Variants in PTPRT observed in about 807,000 individuals in gnomAD.
PTPRT encodes receptor-type tyrosine-protein phosphatase T.
A neutral mutation model predicts 176.8 loss-of-function variants in PTPRT; 56 were observed. The ratio of observed to expected loss-of-function variants is 0.32; its 90% CI spans 0.26 to 0.40. The LOEUF (loss-of-function observed/expected upper bound fraction) is 0.40, where lower values mean the gene tolerates loss of function less well. Ranked by LOEUF, PTPRT falls within the 10% of genes least tolerant of loss-of-function variation. The pLI, the probability that PTPRT is intolerant of heterozygous loss-of-function variation, is 1.00. For missense variants in PTPRT, 1,540 were observed against 1,908.2 expected (o/e 0.81, Z 3.60); for synonymous variants, 783 against 739.0 (o/e 1.06, Z -0.96).
At chr20:42,535,160 T>C (rs1242045374) in intron 7 of PTPRT, among the ~76,000 whole-genome samples, 1 of 152,072 alleles carries the variant, frequency 6.6e-6, no homozygotes, top group Non-Finnish European at 1.5e-5. Context: ...AAAAATGAGA[T>C]CATGTCCTTT....
In PTPRT at chr20:42,677,995, A is replaced by G. The variant is rs772935513; in HGVS notation, c.1024T>C (p.Ser342Pro). The change falls in exon 7 of 31, where the codon TCT becomes CCT. Residue 342 changes from serine to proline, a missense_variant. Transcript: ENST00000373187. ...GTWAETHIVD[S>P]PNYKLWHLDP... is the part of the protein sequence containing the mutation. ...AGATGCCACAGCTTATAGTTGGGAGAGTCGACTATGTGGGTCTCTGCCCAC... is the reference window on the plus strand; with the variant it reads ...AGATGCCACAGCTTATAGTTGGGAGGGTCGACTATGTGGGTCTCTGCCCAC... 1 of 1,614,006 alleles carries G rather than the reference A, an allele frequency of 6.2e-7. No homozygotes were observed. The highest frequency in any genetic ancestry group is 2.2e-5 in the East Asian group (1 of 44,858).
chr20:42,936,888 G>A (rs975513321), intron 1 of PTPRT, among the ~76,000 whole-genome samples: 1 of 152,212 alleles, frequency 6.6e-6, no homozygotes, highest in Non-Finnish European at 1.5e-5. Flanking sequence ...CAAGAGTTCA[G>A]TTTTGGAAGT....
At chr20:42,745,362 G>A (rs2076676799) in intron 6 of PTPRT, among the ~76,000 whole-genome samples, 1 of 152,150 alleles carries the variant, frequency 6.6e-6, no homozygotes, top group South Asian at 2.1e-4. Flanking sequence ...GCAGGATCTG[G>A]GCCAGTACGA....
chr20:42,441,975 T>C (rs1050209388), intron 9 of PTPRT, among the ~76,000 whole-genome samples: 2 of 152,206 alleles, frequency 1.3e-5, no homozygotes, highest in Non-Finnish European at 2.9e-5. Flanking sequence ...CTAGACTACC[T>C]CCTGCCCATC....
chr20:42,561,479 G>A (rs906354944), intron 7 of PTPRT, among the ~76,000 whole-genome samples: 5 of 152,164 alleles, frequency 3.3e-5, no homozygotes, highest in Non-Finnish European at 7.3e-5. Flanking sequence ...ACATCTTAAG[G>A]AAAAAACTGG....
At chr20:42,759,998 G>A (rs116356827) in intron 5 of PTPRT, among the ~76,000 whole-genome samples, 5,045 of 152,278 alleles carry the variant, frequency 0.033, 262 homozygotes, top group African/African-American at 0.12. Flanking sequence ...GATCACAACT[G>A]GAGTCAAGCT....
chr20:42,868,797 C>T (rs896835740), intron 2 of PTPRT, among the ~76,000 whole-genome samples: 3 of 152,194 alleles, frequency 2.0e-5, no homozygotes, highest in Non-Finnish European at 4.4e-5. Flanking sequence ...GCCCAGAATG[C>T]CATGGCCTGG....
chr20:43,096,194 C>G (rs1441954276), intron 1 of PTPRT, among the ~76,000 whole-genome samples: 14 of 151,580 alleles, frequency 9.2e-5, no homozygotes, highest in Non-Finnish European at 2.1e-4. Context: ...CCCTCACTCT[C>G]TCTGTCTCTC....
intron 9 of PTPRT, among the ~76,000 whole-genome samples, chr20:42,355,369 A>G (rs2058344722): frequency 6.6e-6 from 1 of 152,126 alleles, no homozygotes; most frequent in South Asian, 2.1e-4. Context: ...TTCTTGGCAA[A>G]CTGCTCATAT....
intron 6 of PTPRT, among the ~76,000 whole-genome samples, chr20:42,715,923 C>T (rs981692241): frequency 3.9e-5 from 6 of 152,276 alleles, no homozygotes; most frequent in Middle Eastern, 3.4e-3. Context: ...TAAAAGAGTC[C>T]ATGTGCAAAT....
chr20:43,104,401 A>G (rs1456154653), intron 1 of PTPRT, among the ~76,000 whole-genome samples: 3 of 152,064 alleles, frequency 2.0e-5, no homozygotes, highest in African/African-American at 4.8e-5. Flanking sequence ...GATCCAGTCA[A>G]TCAACATAAC....
downstream of PTPRT, among the ~76,000 whole-genome samples, chr20:42,067,968 A>G (rs1239698964): frequency 6.6e-6 from 1 of 152,210 alleles, no homozygotes; most frequent in Admixed American, 6.5e-5. Context: ...AGAAAGAGGT[A>G]TTACAAGGTG....
At chr20:43,019,233 T>G (rs1985529071) in intron 1 of PTPRT, among the ~76,000 whole-genome samples, 1 of 152,130 alleles carries the variant, frequency 6.6e-6, no homozygotes. Context: ...AGATCGCTGG[T>G]AAAACATTAA....
chr20:42,668,095 T>C (rs1600577844), intron 7 of PTPRT, among the ~76,000 whole-genome samples: 1 of 152,278 alleles, frequency 6.6e-6, no homozygotes, highest in East Asian at 1.9e-4. Context: ...GGAGAGAAGG[T>C]AAAGATTATA....
chr20:42,110,504 C>A lies in PTPRT; in HGVS notation c.3100-17G>T, dbSNP rs765848376. 3.2e-6 allele frequency: 5 copies of A among 1,578,288 alleles called. No homozygotes were observed. The Admixed American group carries it at 8.7e-5, about 28-fold the overall frequency. On this transcript the variant is annotated splice_polypyrimidine_tract_variant and intron_variant, in intron 22 of 30. Coordinates refer to ENST00000373187, the MANE Select transcript of PTPRT (RefSeq NM_007050.6). The stretch of plus-strand genomic sequence containing the variant: ...GTAGCCTTTCTGAGGAAAGAACGGG[C>A]CTCTGTTCTTCCAGCTGCTGCCCTC...
At chr20:43,108,387 G>A (rs1355739904) in intron 1 of PTPRT, among the ~76,000 whole-genome samples, 2 of 152,188 alleles carry the variant, frequency 1.3e-5, no homozygotes, top group African/African-American at 4.8e-5. Context: ...GCCTTTGGAA[G>A]ACGCCAATCC....
intron 1 of PTPRT, among the ~76,000 whole-genome samples, chr20:43,025,860 G>T (rs748387439): frequency 6.6e-6 from 1 of 152,060 alleles, no homozygotes; most frequent in Non-Finnish European, 1.5e-5. Context: ...TCTCAGACTT[G>T]TCACCTCTCT....
At chr20:42,845,223 G>A (rs193112881) in intron 2 of PTPRT, among the ~76,000 whole-genome samples, 1 of 152,266 alleles carries the variant, frequency 6.6e-6, no homozygotes, top group Admixed American at 6.5e-5. Context: ...TGTTTCGGGT[G>A]TTCTTGCCCC....
intron 6 of PTPRT, among the ~76,000 whole-genome samples, chr20:42,689,105 C>T (rs1569085921): frequency 6.6e-6 from 1 of 152,278 alleles, no homozygotes; most frequent in Middle Eastern, 3.4e-3. Flanking sequence ...TGAAGACCCA[C>T]AGAGCTAAGT....
Sources: allele counts gnomAD v4.1 joint callset (sites outside exome capture counted in the v4.1 genomes callset), GRCh38; gene constraint gnomAD v4.1.1; transcripts MANE v1.5; gene names NCBI Gene and HGNC (gene_info 2026-07-23, HGNC 2026-07-21).